Variants in FARP1 observed in about 807,000 individuals in gnomAD.
FARP1 encodes the protein FERM, ARH/RhoGEF and pleckstrin domain protein 1.
A neutral mutation model predicts 128.8 loss-of-function variants in FARP1; 52 were observed. The observed-to-expected ratio is 0.40, with a 90% CI of 0.32 to 0.51. FARP1 has a LOEUF of 0.51. Among genes scored for constraint, FARP1 ranks in the 20% least tolerant of loss-of-function variants. FARP1 has a pLI of 0.45. For synonymous variants in FARP1, 580 were observed against 551.8 expected (o/e 1.05, Z -0.72); for missense variants, 1,333 against 1,367.9 (o/e 0.97, Z 0.40).
intron 2 of FARP1, among the ~76,000 whole-genome samples, chr13:98,305,280 C>T (rs1886095353): frequency 6.6e-6 from 1 of 151,906 alleles, no homozygotes; most frequent in Non-Finnish European, 1.5e-5. Context: ...CAGTTTCCAA[C>T]ATTTTATCCC....
chr13:98,301,683 C>T lies in FARP1; in HGVS notation c.172-42079C>T, dbSNP rs80018925. Among the ~76,000 whole-genome samples the T allele has an allele frequency of 1.4e-3, 210 of 152,164 alleles. 5 individuals carry two copies. In the East Asian group the frequency reaches 0.033, roughly 24 times the overall value. On this transcript the variant is annotated intron_variant, in intron 2 of 26. Coordinates refer to ENST00000319562, the MANE Select transcript of FARP1 (RefSeq NM_005766.4). ...AGGTGTTTTGATCGTATAAACCTTTCGGGCTTTTGGGGGGAAATCAAGTCC... is the reference window on the plus strand; with the variant it reads ...AGGTGTTTTGATCGTATAAACCTTTTGGGCTTTTGGGGGGAAATCAAGTCC...
intron 1 of FARP1, among the ~76,000 whole-genome samples, chr13:98,174,085 A>G (rs285096): frequency 0.85 from 128,815 of 152,220 alleles, 55,929 homozygotes; most frequent in Non-Finnish European, 0.94. Flanking sequence ...AATACACAGA[A>G]AAAAGACTGG....
chr13:98,176,563 T>G lies in FARP1; in HGVS notation c.-24+33071T>G. ...ACCCTCTTCAAGCTCCCGTTCAATC[T>G]CCCACCCGAGCTTGTAATCGGAACG... On this transcript the variant is annotated intron_variant, in intron 1 of 26. Coordinates refer to ENST00000319562, the MANE Select transcript of FARP1 (RefSeq NM_005766.4). The surrounding 1 kb of genome is among the most constrained non-coding windows in gnomAD (Gnocchi z 6.2). The G allele has an allele frequency of 6.2e-7, 1 of 1,614,156 alleles. No individual in the cohort carries two copies. Among genetic ancestry groups the G allele is most frequent in the Non-Finnish European group, 8.5e-7 (1 of 1,180,026 alleles).
chr13:98,409,282 C>G (rs772861374), intron 13 of FARP1, 56 bp from the exon 14 acceptor site: 6 of 1,368,794 alleles, frequency 4.4e-6, no homozygotes, highest in African/African-American at 1.6e-5. Context: ...GAATAGAAAT[C>G]AGGTCCCAGA....
Position 98,431,194 on chromosome 13 carries a change from T to C in FARP1, c.2057T>C (p.Leu686Pro), listed in dbSNP as rs761924981. The change falls in exon 18 of 27, where the codon CTG becomes CCG. Residue 686 changes from leucine to proline, a missense_variant. This residue lies in a region of FARP1 where 1,009 missense variants were observed against 969.8 expected (regional missense o/e 1.04). Transcript: ENST00000319562. ...LPLNTFLLRP[L>P]HRLMHYKQVL... is the part of the protein sequence containing the mutation. The stretch of plus-strand genomic sequence containing the variant: ...CTCAACACCTTCCTCCTGCGGCCAC[T>C]GCACCGGCTCATGCACTACAAGCAG... 5.6e-6 allele frequency: 9 copies of C among 1,612,308 alleles called. No homozygotes were observed. Among genetic ancestry groups the C allele is most frequent in the Non-Finnish European group, 5.9e-6 (7 of 1,179,282 alleles).
At position 98,313,372 on chromosome 13, in the gene FARP1, G is replaced by A. The variant is rs375753174; in HGVS notation, c.172-30390G>A. Among the ~76,000 whole-genome samples the A allele has an allele frequency of 5.5e-3, 837 of 151,990 alleles. 12 individuals carry two copies. Among genetic ancestry groups the A allele is most frequent in the African/African-American group, 0.019 (777 of 41,436 alleles). ...AACGTGCAGGCCCAGGGAGAAGGCCGTGTGATGATGGGGGCAGAGACTGCA... is the reference window on the plus strand; with the variant it reads ...AACGTGCAGGCCCAGGGAGAAGGCCATGTGATGATGGGGGCAGAGACTGCA... On this transcript the variant is annotated intron_variant, in intron 2 of 26. Transcript: ENST00000319562.
At chr13:98,379,198 T>TATATATATA (rs1566935436) in intron 6 of FARP1, among the ~76,000 whole-genome samples, 2 of 62,706 alleles carry the variant, frequency 3.2e-5, no homozygotes, top group African/African-American at 1.9e-4. Context: ...TAATATATAA[T>TATATATATA]ATATATATAA....
chr13:98,427,974 T>C (rs935282440), intron 17 of FARP1, among the ~76,000 whole-genome samples: 2 of 152,134 alleles, frequency 1.3e-5, no homozygotes, highest in Non-Finnish European at 2.9e-5. Context: ...AGCAGAAGTT[T>C]CCAGAAATGT....
intron 18 of FARP1, chr13:98,431,721 A>AT (rs1453878668): frequency 6.5e-6 from 1 of 153,734 alleles, no homozygotes; most frequent in East Asian, 1.9e-4. Context: ...TGGCCTCCCA[A>AT]AGTGCTGGGA....
At chr13:98,431,563 G>A (rs1196459027) in intron 18 of FARP1, 5 of 241,530 alleles carry the variant, frequency 2.1e-5, no homozygotes, top group African/African-American at 1.2e-4. Context: ...CCGGGTTCAA[G>A]CGATTCTCCT....
chr13:98,226,536 A>C (rs1326172835), intron 2 of FARP1, among the ~76,000 whole-genome samples: 1 of 149,732 alleles, frequency 6.7e-6, no homozygotes, highest in African/African-American at 2.5e-5. Flanking sequence ...AACAACTCCC[A>C]TTGTTTTATT....
intron 2 of FARP1, among the ~76,000 whole-genome samples, chr13:98,214,192 C>T (rs1160406325): frequency 6.6e-6 from 1 of 152,246 alleles, no homozygotes; most frequent in Non-Finnish European, 1.5e-5. Flanking sequence ...CTCCTCAGAT[C>T]GCTCCTGCGG....
intron 11 of FARP1, among the ~76,000 whole-genome samples, chr13:98,391,392 C>T (rs1241441813): frequency 3.3e-5 from 5 of 152,146 alleles, no homozygotes; most frequent in African/African-American, 9.7e-5. Flanking sequence ...AATCCTCCCA[C>T]CTCAGCCTCC....
intron 2 of FARP1, chr13:98,233,531 G>A (rs1291604425): frequency 6.6e-6 from 1 of 152,132 alleles, no homozygotes; most frequent in African/African-American, 2.4e-5. Context: ...GGGCCAGGAG[G>A]GTTCCCCAGC....
rs2139190033 is a variant in FARP1, at chr13:98,448,152, T to G, written c.3057-84T>G. 3 of 1,196,624 alleles carry G rather than the reference T, an allele frequency of 2.5e-6. 1 individual carries two copies. In the South Asian group the frequency reaches 3.7e-5, roughly 15 times the overall value. 74.1% of individuals were successfully genotyped at this position (1,196,624 alleles called of 1,614,324 possible). Reference sequence around the variant, plus strand: ...ACCAACCAGGCGGCCTGACTTCACCTTGTGTTTCTGTAAGCGATGCCCACC... The same window carrying G: ...ACCAACCAGGCGGCCTGACTTCACCGTGTGTTTCTGTAAGCGATGCCCACC... On this transcript the variant is annotated intron_variant, in intron 26 of 26. Coordinates refer to ENST00000319562, the MANE Select transcript of FARP1 (RefSeq NM_005766.4).
At position 98,448,804 on chromosome 13, in the gene FARP1, A is replaced by ATTTTAT. The variant is rs1555298962; in HGVS notation, c.*491_*492insATTTTT. The ATTTTAT allele has an allele frequency of 2.9e-4, 23 of 80,160 alleles. No individual in the cohort carries two copies. The highest frequency in any genetic ancestry group is 4.4e-4 in the Non-Finnish European group (12 of 27,248). 5.0% of individuals were successfully genotyped at this position (80,160 alleles called of 1,614,324 possible). A position where few individuals can be genotyped will look rare whatever the true frequency, so the allele number is the denominator to read the frequency against. On this transcript the variant is annotated 3_prime_UTR_variant, in exon 27 of 27. Transcript: ENST00000319562. ...GCAAATGAGATCATTTTCAGATTTC[A>ATTTTAT]TTTTTTTTTTCAGTCTTTCTACTTT...
intron 6 of FARP1, chr13:98,381,476 G>A (rs2140026237): frequency 6.6e-6 from 1 of 152,156 alleles, no homozygotes; most frequent in East Asian, 1.9e-4. Context: ...TTTTTCATTT[G>A]TTCCTCCGTC....
At chr13:98,246,365 T>A (rs1337845925) in intron 2 of FARP1, among the ~76,000 whole-genome samples, 1 of 151,760 alleles carries the variant, frequency 6.6e-6, no homozygotes, top group Non-Finnish European at 1.5e-5. Context: ...AGTGCTGGGA[T>A]TACAGGCGTG....
chr13:98,239,035 A>C (rs1052504785), intron 2 of FARP1, among the ~76,000 whole-genome samples: 1 of 152,202 alleles, frequency 6.6e-6, no homozygotes, highest in African/African-American at 2.4e-5. Flanking sequence ...AGTGGTATGG[A>C]TGGGGTCTTA....
Sources: allele counts gnomAD v4.1 joint callset (sites outside exome capture counted in the v4.1 genomes callset), GRCh38; gene constraint gnomAD v4.1.1; regional missense constraint gnomAD v4.1.1; non-coding constraint Gnocchi (gnomAD v3.1); transcripts MANE v1.5; gene names NCBI Gene and HGNC (gene_info 2026-07-23, HGNC 2026-07-21).